ZNF749: variants seen among roughly 807,000 people sequenced by gnomAD.
ZNF749 encodes zinc finger protein 749.
Under a neutral mutation model 7.3 loss-of-function variants are expected in ZNF749, and 8 were observed. The ratio of observed to expected loss-of-function variants is 1.10; its 90% CI spans 0.64 to 1.98. The LOEUF is 1.98. Among genes scored for constraint, ZNF749 ranks in the 30% most tolerant of loss-of-function variants. The pLI, the probability that ZNF749 is intolerant of heterozygous loss-of-function variation, is 0.00. For missense variants in ZNF749, 898 were observed against 932.4 expected, an observed-to-expected ratio of 0.96 and a Z score of 0.48; for synonymous variants, 310 against 322.4, an observed-to-expected ratio of 0.96 and a Z score of 0.41.
chr19:57,432,588 G>T (rs113386444), upstream of ZNF749, among the ~76,000 whole-genome samples: 4 of 144,912 alleles, frequency 2.8e-5, no homozygotes, highest in Admixed American at 1.4e-4. Context: ...AAAAAAAGGT[G>T]GGGGGGACTA....
chr19:57,435,167 A>C (rs546672786), upstream of ZNF749, among the ~76,000 whole-genome samples: 151 of 152,364 alleles, frequency 9.9e-4, 1 homozygote, highest in African/African-American at 3.4e-3. Context: ...CGAGGCAGGC[A>C]GCAGCGTGGG....
rs1434599343 is a variant in ZNF749, at chr19:57,445,173, G to A, written c.2025G>A (p.Lys675=). The change falls in exon 3 of 3, where the codon AAG becomes AAA. Residue 675 remains lysine, a synonymous_variant. Transcript: ENST00000334181. ...EKPYECSNCG[K]FLRYRSTFIK... ...CTTATGAATGCAGCAACTGTGGGAAGTTTCTTAGATACCGCTCTACATTCA... is the reference window on the plus strand; with the variant it reads ...CTTATGAATGCAGCAACTGTGGGAAATTTCTTAGATACCGCTCTACATTCA... The A allele has an allele frequency of 1.2e-6, 2 of 1,614,046 alleles. No individual in the cohort carries two copies. Among genetic ancestry groups the A allele is most frequent in the Non-Finnish European group, 1.7e-6 (2 of 1,180,020 alleles).
At chr19:57,438,789 A>G (rs2088959682) in intron 1 of ZNF749, among the ~76,000 whole-genome samples, 2 of 152,220 alleles carry the variant, frequency 1.3e-5, no homozygotes. Flanking sequence ...CACGACAACC[A>G]GGAGTCAGAA....
At position 57,443,348 on chromosome 19, in the gene ZNF749, G is replaced by A; in HGVS notation, c.200G>A (p.Arg67Lys). The stretch of plus-strand genomic sequence containing the variant: ...CCTTCCAAGCAGTGTGTTTCTGTAA[G>A]AGTGTTACAGGTCACAATTCCAAAG... ...EVPSKQCVSV[R>K]VLQVTIPKPA... The change falls in exon 3 of 3, where the codon AGA (arginine) becomes AAA (lysine). Residue 67 changes from arginine to lysine, a missense_variant. Physicochemically the swap from Arg to Lys is conservative, Grantham distance 26. Transcript: ENST00000334181. 2 of 1,614,124 alleles carry A rather than the reference G, an allele frequency of 1.2e-6. No individual in the cohort carries two copies. The highest frequency in any genetic ancestry group is 1.7e-6 in the Non-Finnish European group (2 of 1,179,954).
In ZNF749 at chr19:57,435,337, G is replaced by C; in HGVS notation, c.-242G>C. 3 of 610,838 alleles carry C rather than the reference G, an allele frequency of 4.9e-6. No individual in the cohort carries two copies. Among genetic ancestry groups the C allele is most frequent in the Non-Finnish European group, 8.7e-6 (3 of 346,382 alleles). The allele number at this position is 610,838 out of a possible 1,614,324, so 37.8% of individuals were successfully genotyped here. A position where few individuals can be genotyped will look rare whatever the true frequency, so the allele number is the denominator to read the frequency against. On this transcript the variant is annotated 5_prime_UTR_variant, in exon 1 of 3. Transcript: ENST00000334181. ...TTGTGTGGGCGGGACTTCTGGCGGC[G>C]CCCTCATGGTTGCGTTAGCATGGCT...
At chr19:57,437,415 C>T (rs576718765) in intron 1 of ZNF749, among the ~76,000 whole-genome samples, 1 of 152,146 alleles carries the variant, frequency 6.6e-6, no homozygotes, top group East Asian at 1.9e-4. Flanking sequence ...ATATATATAT[C>T]ACATTTCCTT....
chr19:57,443,395 G>A lies in ZNF749; in HGVS notation c.247G>A (p.Ala83Thr). ...IPKPALSTLK[A>T]QPCKMCSSIL... is the part of the protein sequence containing the mutation. ...AAAGCCAGCTTTGTCCACCCTGAAG[G>A]CCCAGCCCTGCAAGATGTGTAGCTC... Residue 83 changes from alanine (A) to threonine (T), a missense_variant, in exon 3 of 3, where the codon GCC becomes ACC. Physicochemically the swap from Ala to Thr is moderately conservative, Grantham distance 58. Coordinates refer to ENST00000334181, the MANE Select transcript of ZNF749 (RefSeq NM_001023561.4). The A allele has an allele frequency of 1.2e-6, 2 of 1,614,186 alleles. No individual in the cohort carries two copies. The highest frequency in any genetic ancestry group is 1.7e-6 in the Non-Finnish European group (2 of 1,180,032).
At chr19:57,443,216 C>T in intron 2 of ZNF749, 75 bp from the exon 3 acceptor site, 1 of 1,330,842 alleles carries the variant, frequency 7.5e-7, no homozygotes, top group Non-Finnish European at 1.0e-6. Flanking sequence ...GGGTGTGTCT[C>T]ACAGACATTT....
Position 57,444,675 on chromosome 19 carries a change from G to T in ZNF749, c.1527G>T (p.Arg509=). ...ACCAGAAAATCCATACTGGAGAACGGCCTTATGAATGCACTCAATGTGCGA... is the reference window on the plus strand; with the variant it reads ...ACCAGAAAATCCATACTGGAGAACGTCCTTATGAATGCACTCAATGTGCGA... The part of the protein sequence containing the change: ...VGHQKIHTGE[R]PYECTQCAKA... The change falls in exon 3 of 3, where the codon CGG becomes CGT. Residue 509 remains arginine (R), a synonymous_variant. Coordinates refer to ENST00000334181, the MANE Select transcript of ZNF749 (RefSeq NM_001023561.4). The T allele has an allele frequency of 6.2e-7, 1 of 1,613,602 alleles. No individual in the cohort carries two copies. Among genetic ancestry groups the T allele is most frequent in the Non-Finnish European group, 8.5e-7 (1 of 1,179,932 alleles).
rs747882411 is a variant in ZNF749 at position 57,444,470 on chromosome 19, C to T, written c.1322C>T (p.Thr441Ile). The change falls in exon 3 of 3, where the codon ACT becomes ATT. Residue 441 changes from threonine (T) to isoleucine (I), a missense_variant. Physicochemically the swap from Thr to Ile is moderately conservative, Grantham distance 89 (BLOSUM62 -1). Transcript: ENST00000334181. ...ACTGGAGAACGGCCTTATGAGTGCA[C>T]TGAATGTGAGAAGGCCTTTGTTAGA... The part of the protein sequence containing the change: ...IHTGERPYEC[T>I]ECEKAFVRKS... 80 of 1,613,872 alleles carry T rather than the reference C, an allele frequency of 5.0e-5. 1 individual carries two copies. In the East Asian group the frequency reaches 1.7e-3, roughly 35 times the overall value.
Position 57,442,078 on chromosome 19 carries a change from A to C in ZNF749, c.142+67A>C, listed in dbSNP as rs979784813. 3 of 1,575,934 alleles carry C rather than the reference A, an allele frequency of 1.9e-6. No individual in the cohort carries two copies. Among genetic ancestry groups the C allele is most frequent in the African/African-American group, 1.4e-5 (1 of 73,096 alleles). ...TGTTTTTTTGCTCTTTTCCATGACA[A>C]CTCTGTCTTTCCCACACCAGATTGT... is the stretch of plus-strand genomic sequence containing the variant. On this transcript the variant is annotated intron_variant, in intron 2 of 2. Transcript: ENST00000334181. This position sits in a 1 kb window ranked among gnomAD's most constrained non-coding sequence, Gnocchi z 6.6.
chr19:57,435,561 C>G lies in ZNF749; in HGVS notation c.-18C>G. 1.2e-6 allele frequency: 2 copies of G among 1,603,356 alleles called. No homozygotes were observed. Among genetic ancestry groups the G allele is most frequent in the South Asian group, 1.1e-5 (1 of 89,164 alleles). On this transcript the variant is annotated 5_prime_UTR_variant, in exon 1 of 3. Transcript: ENST00000334181. ...CCCGCCCCGCTCTTCCCTGGGTGGACTGGAGGAGGCCGCGCCGATGAACCT... is the reference window on the plus strand; with the variant it reads ...CCCGCCCCGCTCTTCCCTGGGTGGAGTGGAGGAGGCCGCGCCGATGAACCT...
upstream of ZNF749, among the ~76,000 whole-genome samples, chr19:57,433,108 AG>A (rs1475684765): frequency 8.7e-6 from 1 of 115,424 alleles, no homozygotes; most frequent in African/African-American, 3.4e-5. Flanking sequence ...TATAGTCTTG[AG>A]GAGTGTGTGT....
upstream of ZNF749, among the ~76,000 whole-genome samples, chr19:57,430,901 G>C: frequency 6.6e-6 from 1 of 152,044 alleles, no homozygotes. Flanking sequence ...TTAGCTGGGC[G>C]TGATGGTGCG....
At chr19:57,438,259 T>G (rs140706780) in intron 1 of ZNF749, 75 of 389,334 alleles carry the variant, frequency 1.9e-4, no homozygotes, top group Non-Finnish European at 2.5e-4. Flanking sequence ...CAGGCACAAG[T>G]GTTTCTTGTG....
chr19:57,434,684 G>A (rs140742322), upstream of ZNF749, among the ~76,000 whole-genome samples: 367 of 152,264 alleles, frequency 2.4e-3, 10 homozygotes, highest in East Asian at 0.053. Context: ...ACTCATATTT[G>A]TCTCAGAATA....
In ZNF749 at chr19:57,443,530, G is replaced by C; in HGVS notation, c.382G>C (p.Glu128Gln). The C allele has an allele frequency of 6.2e-7, 1 of 1,614,242 alleles. No homozygotes were observed. Among genetic ancestry groups the C allele is most frequent in the Non-Finnish European group, 8.5e-7 (1 of 1,180,034 alleles). ...HDLHQKEQIR[E>Q]KLTRSDEWRP... ...CCTGCACCAAAAGGAGCAGATTAGA[G>C]AGAAGCTCACCAGAAGTGATGAGTG... Residue 128 changes from glutamate to glutamine, a missense_variant, in exon 3 of 3, where the codon GAG (glutamate) becomes CAG (glutamine). By Grantham distance (29) the Glu-to-Gln change is conservative. Coordinates refer to ENST00000334181, the MANE Select transcript of ZNF749 (RefSeq NM_001023561.4).
intron 2 of ZNF749, 71 bp from the exon 3 acceptor site, chr19:57,443,220 G>A: frequency 1.5e-6 from 2 of 1,359,504 alleles, no homozygotes; most frequent in Non-Finnish European, 2.0e-6. Context: ...GTGTCTCACA[G>A]ACATTTGTGA....
In ZNF749 at chr19:57,446,508, C is replaced by CT. The variant is rs2089067418; in HGVS notation, c.*1025dup. On this transcript the variant is annotated 3_prime_UTR_variant, in exon 3 of 3. Transcript: ENST00000334181. ...ACTATAAATATCTCATATGAGGAAA[C>CT]TTAAGTTTTAGTCTTTTGTGACTTA... 6.6e-6 allele frequency among the ~76,000 whole-genome samples: 1 copy of CT among 152,182 alleles called. No homozygotes were observed. The highest frequency in any genetic ancestry group is 1.5e-5 in the Non-Finnish European group (1 of 68,042).
Sources: allele counts gnomAD v4.1 joint callset (sites outside exome capture counted in the v4.1 genomes callset), GRCh38; gene constraint gnomAD v4.1.1; non-coding constraint Gnocchi (gnomAD v3.1); transcripts MANE v1.5; gene names NCBI Gene and HGNC (gene_info 2026-07-23, HGNC 2026-07-21).